The following TET1 variants were observed in gnomAD, a reference collection of about 807,000 sequenced individuals.
The protein encoded by TET1 is tet methylcytosine dioxygenase 1, also known as methylcytosine dioxygenase TET1.
Under a neutral mutation model 148.7 loss-of-function variants are expected in TET1, and 13 were observed. That is an observed-to-expected ratio of 0.09 (90% confidence interval 0.06 to 0.14). The LOEUF is 0.14. Among genes scored for constraint, TET1 ranks in the 10% least tolerant of loss-of-function variants. TET1 has a pLI of 1.00. For missense variants in TET1, 2,182 were observed against 2,553.8 expected, an observed-to-expected ratio of 0.85 and a Z score of 3.14; for synonymous variants, 907 against 937.2, an observed-to-expected ratio of 0.97 and a Z score of 0.59.
intron 3 of TET1, among the ~76,000 whole-genome samples, chr10:68,641,592 G>A (rs748062379): frequency 5.3e-5 from 8 of 151,862 alleles, no homozygotes; most frequent in Non-Finnish European, 7.4e-5. Flanking sequence ...TCCGCCTCCC[G>A]GGTTCAAGCG....
intron 7 of TET1, among the ~76,000 whole-genome samples, chr10:68,670,780 C>A (rs1403802182): frequency 6.6e-6 from 1 of 152,006 alleles, no homozygotes; most frequent in East Asian, 1.9e-4. Flanking sequence ...TCATCGTAGT[C>A]TTTCTTTTAT....
At chr10:68,575,357 C>A (rs1002262022) in intron 2 of TET1, among the ~76,000 whole-genome samples, 2 of 149,626 alleles carry the variant, frequency 1.3e-5, no homozygotes, top group Non-Finnish European at 3.0e-5. Context: ...GCATTCCAGC[C>A]TAGGCCACAA....
chr10:68,645,875 A>G lies in TET1; in HGVS notation c.3146A>G (p.Asn1049Ser), dbSNP rs1447505173. The G allele has an allele frequency of 1.2e-6, 2 of 1,614,138 alleles. No individual in the cohort carries two copies. The highest frequency in any genetic ancestry group is 1.7e-6 in the Non-Finnish European group (2 of 1,180,026). The change falls in exon 4 of 12, where the codon AAC (asparagine) becomes AGC (serine). Residue 1049 changes from asparagine (N) to serine (S), a missense_variant. Transcript: ENST00000373644. ...AGAAATAATGAAGTGGAGTATTGCAACCAGTTACTGGACAGCAGCAAAAAA... is the reference window on the plus strand; with the variant it reads ...AGAAATAATGAAGTGGAGTATTGCAGCCAGTTACTGGACAGCAGCAAAAAA... ...PPRNNEVEYC[N>S]QLLDSSKKLD...
chr10:68,587,070 G>A (rs762013600), intron 2 of TET1, among the ~76,000 whole-genome samples: 10 of 152,142 alleles, frequency 6.6e-5, no homozygotes, highest in Non-Finnish European at 1.5e-4. Context: ...GAATGAATTG[G>A]TTTCACTGTT....
At chr10:68,561,593 C>G (rs2053553837) in intron 1 of TET1, among the ~76,000 whole-genome samples, 2 of 152,060 alleles carry the variant, frequency 1.3e-5, no homozygotes, top group South Asian at 4.1e-4. Context: ...GCTGGTCGTG[C>G]AGCACGTGAG....
At chr10:68,576,167 C>T (rs1467572538) in intron 2 of TET1, among the ~76,000 whole-genome samples, 1 of 151,816 alleles carries the variant, frequency 6.6e-6, no homozygotes, top group Non-Finnish European at 1.5e-5. Context: ...CCTGGCCAAC[C>T]TGGCAAAACC....
chr10:68,562,975 A>G (rs1025703237), intron 1 of TET1, among the ~76,000 whole-genome samples: 2 of 148,728 alleles, frequency 1.3e-5, no homozygotes, highest in Non-Finnish European at 3.0e-5. Flanking sequence ...TTTACTATAC[A>G]TTTCTTCCCC....
chr10:68,669,819 T>TTTG (rs779093206), intron 7 of TET1, among the ~76,000 whole-genome samples: 25 of 151,710 alleles, frequency 1.6e-4, no homozygotes, highest in Middle Eastern at 3.4e-3. Context: ...CCAGCTAATT[T>TTTG]TTGTTGTTGT....
intron 3 of TET1, among the ~76,000 whole-genome samples, chr10:68,615,573 T>C (rs2054279072): frequency 6.6e-6 from 1 of 151,886 alleles, no homozygotes; most frequent in Non-Finnish European, 1.5e-5. Context: ...CACGAACTCC[T>C]GACCTCAAGT....
chr10:68,577,776 C>T (rs2053749901), intron 2 of TET1, among the ~76,000 whole-genome samples: 1 of 152,076 alleles, frequency 6.6e-6, no homozygotes, highest in South Asian at 2.1e-4. Flanking sequence ...TAATTGCACT[C>T]CAGCATGGGC....
At chr10:68,568,735 C>T (rs1027890372) in intron 1 of TET1, among the ~76,000 whole-genome samples, 3 of 152,130 alleles carry the variant, frequency 2.0e-5, no homozygotes, top group African/African-American at 7.2e-5. Context: ...CCTGTGGTCC[C>T]AGCTATTCGG....
rs150698643 is a variant in TET1 at position 68,645,735 on chromosome 10, A to T, written c.3006A>T (p.Ser1002=). ...KSHEYSKVTN[S]LSLFIPKSNS... ...ATGAATATTCAAAAGTCACAAATTC[A>T]TTATCTCTTTTTATACCAAAATCAA... Residue 1002 remains serine, a synonymous_variant, in exon 4 of 12, where the codon TCA becomes TCT. Coordinates refer to ENST00000373644, the MANE Select transcript of TET1 (RefSeq NM_030625.3). 2.5e-6 allele frequency: 4 copies of T among 1,614,088 alleles called. No homozygotes were observed. Among genetic ancestry groups the T allele is most frequent in the Non-Finnish European group, 3.4e-6 (4 of 1,180,042 alleles).
intron 3 of TET1, among the ~76,000 whole-genome samples, chr10:68,608,434 A>T (rs1227639890): frequency 6.6e-6 from 1 of 150,744 alleles, no homozygotes; most frequent in Non-Finnish European, 1.5e-5. Context: ...ATGGGGTTTC[A>T]CCATCTTAGC....
At chr10:68,590,834 TC>T (rs1283536616) in intron 2 of TET1, among the ~76,000 whole-genome samples, 1 of 149,156 alleles carries the variant, frequency 6.7e-6, no homozygotes, top group Non-Finnish European at 1.5e-5. Context: ...AAAGCTATTT[TC>T]TTTTTTTTTT....
intron 3 of TET1, among the ~76,000 whole-genome samples, chr10:68,614,446 C>G (rs1370598614): frequency 6.6e-6 from 1 of 152,154 alleles, no homozygotes; most frequent in Admixed American, 6.6e-5. Flanking sequence ...TCAAAAAACT[C>G]AGTCAAATTC....
intron 2 of TET1, among the ~76,000 whole-genome samples, chr10:68,588,365 G>T (rs1303575605): frequency 2.0e-5 from 3 of 152,150 alleles, no homozygotes; most frequent in African/African-American, 7.2e-5. Context: ...ACAATCGTAT[G>T]AAATATATGT....
chr10:68,662,597 T>C (rs550383802), intron 6 of TET1, among the ~76,000 whole-genome samples: 29 of 152,324 alleles, frequency 1.9e-4, no homozygotes, highest in South Asian at 1.9e-3. Flanking sequence ...GTATGTATAA[T>C]AGACCATGGC....
intron 3 of TET1, among the ~76,000 whole-genome samples, chr10:68,634,270 T>C (rs141995598): frequency 6.6e-6 from 1 of 152,324 alleles, no homozygotes; most frequent in African/African-American, 2.4e-5. Context: ...ACTGTAAATA[T>C]TGATTTTGGA....
intron 9 of TET1, among the ~76,000 whole-genome samples, chr10:68,681,784 T>A (rs1461392787): frequency 6.6e-6 from 1 of 152,050 alleles, no homozygotes; most frequent in Non-Finnish European, 1.5e-5. Context: ...CTGGCCCACA[T>A]GGTGAAACCC....
Sources: gnomAD v4.1 joint callset for allele counts (sites outside exome capture counted in the v4.1 genomes callset) on GRCh38, gnomAD v4.1.1 for gene constraint, MANE v1.5 for transcripts, NCBI Gene and HGNC (gene_info 2026-07-23, HGNC 2026-07-21) for gene names.